TFAP2E: variants seen among roughly 807,000 people sequenced by gnomAD.
The protein encoded by TFAP2E is transcription factor AP-2-epsilon.
TFAP2E carries 30 observed loss-of-function variants against 37.9 expected under a neutral mutation model. The ratio of observed to expected loss-of-function variants is 0.79; its 90% CI spans 0.59 to 1.07. The LOEUF (loss-of-function observed/expected upper bound fraction) is 1.07. TFAP2E is among the 50% of genes least tolerant of loss of function. The probability of loss-of-function intolerance (pLI) is 0.00; values close to 1 mark genes in which losing one functional copy is unlikely to be tolerated. For synonymous variants in TFAP2E, 318 were observed against 295.8 expected (o/e 1.08, Z -0.77); for missense variants, 567 against 637.9 (o/e 0.89, Z 1.20).
At chr1:35,595,334 A>G (rs1216114522), downstream of TFAP2E, 2 of 152,408 alleles carry the variant, frequency 1.3e-5, no homozygotes, top group Non-Finnish European at 2.9e-5. Context: ...TAAAATGTCC[A>G]GTGCAACTTA....
At position 35,595,089 on chromosome 1, in the gene TFAP2E, A is replaced by G. The variant is rs975791684; in HGVS notation, c.*413A>G. On this transcript the variant is annotated 3_prime_UTR_variant, in exon 7 of 7. Coordinates refer to ENST00000373235, the MANE Select transcript of TFAP2E (RefSeq NM_178548.4). The stretch of plus-strand genomic sequence containing the variant: ...TGATAAATCAGAGGTGCTACTGAGG[A>G]GTTGGTGCCCCTCATTCCAGAATCT... 1.3e-5 allele frequency: 3 copies of G among 235,554 alleles called. No individual in the cohort carries two copies. Among genetic ancestry groups the G allele is most frequent in the Non-Finnish European group, 2.5e-5 (3 of 120,740 alleles). The allele number at this position is 235,554 out of a possible 1,614,324, so 14.6% of individuals were successfully genotyped here. A position where few individuals can be genotyped will look rare whatever the true frequency, so the allele number is the denominator to read the frequency against.
Position 35,577,277 on chromosome 1 carries a change from C to G in TFAP2E, c.562+2277C>G, listed in dbSNP as rs1317656338. On this transcript the variant is annotated intron_variant, in intron 3 of 6. Transcript: ENST00000373235. This position sits in a 1 kb window ranked among gnomAD's most constrained non-coding sequence, Gnocchi z 6.3. ...CAGGTGGGCTCCTTGCTCCCTGGAG[C>G]CGCCCCTCCCCACACCTGCCCTCGG... The G allele has an allele frequency of 9.4e-6, 4 of 425,762 alleles. No individual in the cohort carries two copies. The highest frequency in any genetic ancestry group is 2.0e-5 in the African/African-American group (1 of 49,572). The allele number at this position is 425,762 out of a possible 1,614,324, so 26.4% of individuals were successfully genotyped here. A position where few individuals can be genotyped will look rare whatever the true frequency, so the allele number is the denominator to read the frequency against.
intron 3 of TFAP2E, among the ~76,000 whole-genome samples, chr1:35,583,603 A>AGTGTGTGTGTGTGTGCGTGTGTGTGT (rs1649408512): frequency 7.3e-6 from 1 of 137,914 alleles, no homozygotes; most frequent in Non-Finnish European, 1.6e-5. Flanking sequence ...TGTCTGCAGG[A>AGTGTGTGTGTGTGTGCGTGTGTGTGT]GTGTGTGTGT....
chr1:35,592,366 A>G (rs1342202308), intron 6 of TFAP2E, among the ~76,000 whole-genome samples: 2 of 152,058 alleles, frequency 1.3e-5, no homozygotes, highest in East Asian at 1.9e-4. Context: ...ACAAAATACC[A>G]TAAACTGGGT....
rs531089942 is a variant in TFAP2E at position 35,590,110 on chromosome 1, G to T, written c.904+62G>T. On this transcript the variant is annotated intron_variant, in intron 5 of 6. Transcript: ENST00000373235. The surrounding 1 kb of genome is among the most constrained non-coding windows in gnomAD (Gnocchi z 6.2). The stretch of plus-strand genomic sequence containing the variant: ...TGAGGGCAAGTGAGTTGTCTGGTGT[G>T]ACTGTCTCTAATGCAGGAGGGTGTG... 24 of 1,500,944 alleles carry T rather than the reference G, an allele frequency of 1.6e-5. No homozygotes were observed. The Admixed American group carries it at 3.0e-4, about 19-fold the overall frequency. 93.0% of individuals were successfully genotyped at this position (1,500,944 alleles called of 1,614,324 possible).
rs999632237 is a variant in TFAP2E at position 35,574,418 on chromosome 1, C to A, written c.510+9C>A. On this transcript the variant is annotated intron_variant, in intron 2 of 6. Coordinates refer to ENST00000373235, the MANE Select transcript of TFAP2E (RefSeq NM_178548.4). Reference sequence around the variant, plus strand: ...GTCTGGAGGACCTGCAGGTGAGACCCGAGGGATCCGGGATGGGTCGGGACT... The same window carrying A: ...GTCTGGAGGACCTGCAGGTGAGACCAGAGGGATCCGGGATGGGTCGGGACT... 1 of 1,410,014 alleles carries A rather than the reference C, an allele frequency of 7.1e-7. No homozygotes were observed. The allele number at this position is 1,410,014 out of a possible 1,614,324, so 87.3% of individuals were successfully genotyped here. A position where few individuals can be genotyped will look rare whatever the true frequency, so the allele number is the denominator to read the frequency against.
intron 3 of TFAP2E, among the ~76,000 whole-genome samples, chr1:35,580,125 G>A (rs140233726): frequency 6.6e-6 from 1 of 152,074 alleles, no homozygotes; most frequent in Non-Finnish European, 1.5e-5. Context: ...CAGGAAAATC[G>A]CTTGAACCCG....
In TFAP2E at chr1:35,590,703, C is replaced by A; in HGVS notation, c.974C>A (p.Ala325Asp). The change falls in exon 6 of 7, where the codon GCC (alanine) becomes GAC (aspartate). Residue 325 changes from alanine (A) to aspartate (D), a missense_variant. Ala to Asp is a moderately radical substitution (Grantham distance 126, BLOSUM62 -2). This residue lies in a region of TFAP2E where 252 missense variants were observed against 302.6 expected (regional missense o/e 0.83). Coordinates refer to ENST00000373235, the MANE Select transcript of TFAP2E (RefSeq NM_178548.4). The surrounding 1 kb of genome is among the most constrained non-coding windows in gnomAD (Gnocchi z 6.2). Reference sequence around the variant, plus strand: ...ACGGAGTTCCCAGCCAAGGCAGCTGCCGAGTACCTGTGCCGACAGCACGCT... The same window carrying A: ...ACGGAGTTCCCAGCCAAGGCAGCTGACGAGTACCTGTGCCGACAGCACGCT... ...CETEFPAKAA[A>D]EYLCRQHADP... is the part of the protein sequence containing the mutation. 6.4e-7 allele frequency: 1 copy of A among 1,556,946 alleles called. No homozygotes were observed.
intron 3 of TFAP2E, among the ~76,000 whole-genome samples, chr1:35,576,404 G>C (rs754975980): frequency 2.0e-5 from 3 of 152,138 alleles, no homozygotes; most frequent in Non-Finnish European, 4.4e-5. Flanking sequence ...GTGGGGCTTG[G>C]TTGGCTTACT....
intron 6 of TFAP2E, among the ~76,000 whole-genome samples, chr1:35,591,563 C>G (rs900714397): frequency 3.9e-5 from 6 of 152,244 alleles, no homozygotes; most frequent in South Asian, 2.1e-4. Flanking sequence ...TCCAACCTCC[C>G]TGCACGTGCA....
At chr1:35,580,127 T>C (rs909218946) in intron 3 of TFAP2E, among the ~76,000 whole-genome samples, 2 of 151,930 alleles carry the variant, frequency 1.3e-5, no homozygotes, top group Non-Finnish European at 2.9e-5. Flanking sequence ...GGAAAATCGC[T>C]TGAACCCGGG....
rs67449985 is a variant in TFAP2E at position 35,589,493 on chromosome 1, C to CGTGT, written c.786-419_786-416dup. Reference sequence around the variant, plus strand: ...GGTTCTATGTGTCTCTATTCTTTCACGTGTGTGTGTGTGTGTGTGTGAGAG... The same window carrying CGTGT: ...GGTTCTATGTGTCTCTATTCTTTCACGTGTGTGTGTGTGTGTGTGTGTGTGAGAG... On this transcript the variant is annotated intron_variant, in intron 4 of 6. Coordinates refer to ENST00000373235, the MANE Select transcript of TFAP2E (RefSeq NM_178548.4). Among the ~76,000 whole-genome samples the CGTGT allele has an allele frequency of 2.7e-4, 32 of 118,378 alleles. 1 individual carries two copies. Among genetic ancestry groups the CGTGT allele is most frequent in the Admixed American group, 1.3e-3 (16 of 11,976 alleles). The allele number at this position is 118,378 out of a possible 152,430, so 77.7% of individuals were successfully genotyped here. A position where few individuals can be genotyped will look rare whatever the true frequency, so the allele number is the denominator to read the frequency against.
chr1:35,594,388 C>A lies in TFAP2E; in HGVS notation c.1047-6C>A. 1 of 1,611,018 alleles carries A rather than the reference C, an allele frequency of 6.2e-7. No individual in the cohort carries two copies. The highest frequency in any genetic ancestry group is 1.1e-5 in the South Asian group (1 of 90,850). On this transcript the variant is annotated splice_region_variant and splice_polypyrimidine_tract_variant and intron_variant, in intron 6 of 6. Transcript: ENST00000373235. ...CTCCAACCTCTGACCCTCCTTCTCG[C>A]ACCAGGCAGATCTGCAAGGAGTTTG... is the stretch of plus-strand genomic sequence containing the variant.
Position 35,590,124 on chromosome 1 carries a change from C to A in TFAP2E, c.904+76C>A. The stretch of plus-strand genomic sequence containing the variant: ...TTGTCTGGTGTGACTGTCTCTAATG[C>A]AGGAGGGTGTGTTTAGTGGTGTGTG... On this transcript the variant is annotated intron_variant, in intron 5 of 6. Transcript: ENST00000373235. The surrounding 1 kb of genome is among the most constrained non-coding windows in gnomAD (Gnocchi z 6.2). 1 of 1,374,348 alleles carries A rather than the reference C, an allele frequency of 7.3e-7. No individual in the cohort carries two copies. Among genetic ancestry groups the A allele is most frequent in the Non-Finnish European group, 1.0e-6 (1 of 965,980 alleles). 85.1% of individuals were successfully genotyped at this position (1,374,348 alleles called of 1,614,324 possible).
Position 35,577,453 on chromosome 1 carries a change from C to A in TFAP2E, c.562+2453C>A. On this transcript the variant is annotated intron_variant, in intron 3 of 6. Coordinates refer to ENST00000373235, the MANE Select transcript of TFAP2E (RefSeq NM_178548.4). This position sits in a 1 kb window ranked among gnomAD's most constrained non-coding sequence, Gnocchi z 6.3. Reference sequence around the variant, plus strand: ...CTGTCCTGCCCCACAGACCTTCGGCCTCCGCCGAGTGCGGTACTGGAGCCT... The same window carrying A: ...CTGTCCTGCCCCACAGACCTTCGGCATCCGCCGAGTGCGGTACTGGAGCCT... The A allele has an allele frequency of 4.4e-6, 2 of 456,780 alleles. No homozygotes were observed. Among genetic ancestry groups the A allele is most frequent in the Non-Finnish European group, 8.8e-6 (2 of 226,982 alleles). The allele number at this position is 456,780 out of a possible 1,614,324, so 28.3% of individuals were successfully genotyped here.
In TFAP2E at chr1:35,590,891, G is replaced by A. The variant is rs535568895; in HGVS notation, c.1046+116G>A. On this transcript the variant is annotated intron_variant, in intron 6 of 6. Coordinates refer to ENST00000373235, the MANE Select transcript of TFAP2E (RefSeq NM_178548.4). The surrounding 1 kb of genome is among the most constrained non-coding windows in gnomAD (Gnocchi z 6.2). The stretch of plus-strand genomic sequence containing the variant: ...GCAGTGGGCACACATGCGTATTTGC[G>A]CACCACTGTGTACACGAGCAGTGGG... The A allele has an allele frequency of 7.7e-5, 92 of 1,200,424 alleles. No homozygotes were observed. In the African/African-American group the frequency reaches 9.8e-4, roughly 13 times the overall value. 74.4% of individuals were successfully genotyped at this position (1,200,424 alleles called of 1,614,324 possible). A position where few individuals can be genotyped will look rare whatever the true frequency, so the allele number is the denominator to read the frequency against.
At position 35,588,895 on chromosome 1, in the gene TFAP2E, C is replaced by T. The variant is rs995064189; in HGVS notation, c.785+343C>T. Among the ~76,000 whole-genome samples, 7 of 152,106 alleles carry T rather than the reference C, an allele frequency of 4.6e-5. No homozygotes were observed. In the East Asian group the frequency reaches 1.2e-3, roughly 25 times the overall value. On this transcript the variant is annotated intron_variant, in intron 4 of 6. Coordinates refer to ENST00000373235, the MANE Select transcript of TFAP2E (RefSeq NM_178548.4). The surrounding 1 kb of genome is among the most constrained non-coding windows in gnomAD (Gnocchi z 5.1). ...CTTCTAGGAAATGAACCCCAGGACCCGAGGCCCATTCTGCGCGGCAGCATA... is the reference window on the plus strand; with the variant it reads ...CTTCTAGGAAATGAACCCCAGGACCTGAGGCCCATTCTGCGCGGCAGCATA...
In TFAP2E at chr1:35,577,505, A is replaced by G. The variant is rs764717233; in HGVS notation, c.562+2505A>G. ...CCCCGCCAGGGCCCTGGAATCAGAG[A>G]AAGTCGCTCTTTGGCCACCTGAAGC... On this transcript the variant is annotated intron_variant, in intron 3 of 6. Coordinates refer to ENST00000373235, the MANE Select transcript of TFAP2E (RefSeq NM_178548.4). The surrounding 1 kb of genome is among the most constrained non-coding windows in gnomAD (Gnocchi z 6.3). 4.4e-6 allele frequency: 2 copies of G among 454,546 alleles called. No homozygotes were observed. Among genetic ancestry groups the G allele is most frequent in the South Asian group, 3.1e-5 (2 of 64,488 alleles). 28.2% of individuals were successfully genotyped at this position (454,546 alleles called of 1,614,324 possible). A position where few individuals can be genotyped will look rare whatever the true frequency, so the allele number is the denominator to read the frequency against.
At chr1:35,594,071 G>A (rs1180516302) in intron 6 of TFAP2E, among the ~76,000 whole-genome samples, 8 of 152,178 alleles carry the variant, frequency 5.3e-5, no homozygotes, top group Non-Finnish European at 8.8e-5. Flanking sequence ...TGGGGTGGGA[G>A]AGGGAATCCA....
Sources: gnomAD v4.1 joint callset for allele counts (sites outside exome capture counted in the v4.1 genomes callset) on GRCh38, gnomAD v4.1.1 for gene constraint, gnomAD v4.1.1 regional missense constraint, Gnocchi (gnomAD v3.1) non-coding constraint, MANE v1.5 for transcripts, NCBI Gene and HGNC (gene_info 2026-07-23, HGNC 2026-07-21) for gene names.